The following DEK variants were observed in gnomAD, a reference collection of about 807,000 sequenced individuals.
DEK encodes DEK proto-oncogene.
A neutral mutation model predicts 46.8 loss-of-function variants in DEK; 28 were observed. The observed-to-expected ratio is 0.60, with a 90% CI of 0.44 to 0.82. The LOEUF is 0.82. Among genes scored for constraint, DEK ranks in the 40% least tolerant of loss-of-function variants. The pLI is 0.00. For missense variants in DEK, 416 were observed against 430.6 expected, an observed-to-expected ratio of 0.97 and a Z score of 0.30; for synonymous variants, 160 against 144.5, an observed-to-expected ratio of 1.11 and a Z score of -0.77.
intron 2 of DEK, 109 bp from the exon 3 acceptor site, chr6:18,258,514 C>T (rs1162547410): frequency 5.6e-6 from 4 of 709,568 alleles, no homozygotes; most frequent in Non-Finnish European, 8.9e-6. Context: ...CTTTATTCTT[C>T]TTCTGAGCAT....
At chr6:18,243,098 G>C (rs961559718) in intron 7 of DEK, among the ~76,000 whole-genome samples, 10 of 152,192 alleles carry the variant, frequency 6.6e-5, no homozygotes, top group African/African-American at 2.2e-4. Context: ...GTTCAGGTAA[G>C]AGGTGACTAC....
chr6:18,263,932 G>C lies in DEK; in HGVS notation c.56C>G (p.Ser19Cys). The C allele has an allele frequency of 6.2e-7, 1 of 1,613,378 alleles. No individual in the cohort carries two copies. The highest frequency in any genetic ancestry group is 1.3e-5 in the African/African-American group (1 of 74,984). The change falls in exon 2 of 11, where the codon TCC becomes TGC. Residue 19 changes from serine (S) to cysteine (C), a missense_variant. Physicochemically the swap from Ser to Cys is moderately radical, Grantham distance 112. Coordinates refer to ENST00000652689, the MANE Select transcript of DEK (RefSeq NM_003472.4). The part of the protein sequence containing the change: ...EGEGTPTQPA[S>C]EKEPEMPGPR... ...ACCGGGCATTTCGGGTTCTTTCTCG[G>C]ACGCGGGCTGGGTGGGGGTTCCCTC... is the stretch of plus-strand genomic sequence containing the variant.
intron 9 of DEK, among the ~76,000 whole-genome samples, chr6:18,228,380 T>A (rs946118955): frequency 6.6e-6 from 1 of 151,772 alleles, no homozygotes; most frequent in African/African-American, 2.4e-5. Flanking sequence ...TTACTCTAAT[T>A]GTTTGCCCCG....
In DEK at chr6:18,263,860, T is replaced by C; in HGVS notation, c.128A>G (p.Glu43Gly). The C allele has an allele frequency of 6.2e-7, 1 of 1,612,482 alleles. No homozygotes were observed. The highest frequency in any genetic ancestry group is 8.5e-7 in the Non-Finnish European group (1 of 1,179,244). The change falls in exon 2 of 11, where the codon GAG becomes GGG. Residue 43 changes from glutamate to glycine, a missense_variant. Physicochemically the swap from Glu to Gly is moderately conservative, Grantham distance 98. Transcript: ENST00000652689. ...EEEEDEDDEEEEEEEKEKSLI... is the reference protein window; with the variant it reads ...EEEEDEDDEEGEEEEKEKSLI... ...CCCCCCACCTTTTTCCTCCTCCTCC[T>C]CCTCCTCGTCGTCCTCGTCCTCTTC...
chr6:18,226,470 C>G (rs540791420), intron 9 of DEK, among the ~76,000 whole-genome samples: 5 of 152,290 alleles, frequency 3.3e-5, no homozygotes, highest in Admixed American at 3.3e-4. Context: ...GGCTGAGAGT[C>G]TGGAATGAAT....
intron 6 of DEK, among the ~76,000 whole-genome samples, chr6:18,252,639 C>CA (rs2151090796): frequency 6.8e-6 from 1 of 146,220 alleles, no homozygotes; most frequent in Non-Finnish European, 1.5e-5. Context: ...CAAGAAAAAA[C>CA]AGATTCTCAC....
intron 7 of DEK, among the ~76,000 whole-genome samples, chr6:18,244,106 T>C (rs1791007154): frequency 6.6e-6 from 1 of 152,206 alleles, no homozygotes. Context: ...AACATCTTGT[T>C]ATTTAACCTA....
intron 7 of DEK, chr6:18,244,460 G>A: frequency 1.0e-6 from 1 of 954,800 alleles, no homozygotes; most frequent in South Asian, 1.4e-5. Flanking sequence ...AATGACATAA[G>A]CACTTTTTGA....
intron 7 of DEK, among the ~76,000 whole-genome samples, chr6:18,238,447 C>G (rs1000420609): frequency 1.3e-5 from 2 of 151,740 alleles, no homozygotes; most frequent in South Asian, 2.1e-4. Context: ...GCCTGTAATT[C>G]CAGCACTTTG....
chr6:18,232,604 T>C (rs952078045), intron 9 of DEK, among the ~76,000 whole-genome samples: 1 of 152,116 alleles, frequency 6.6e-6, no homozygotes, highest in Non-Finnish European at 1.5e-5. Flanking sequence ...TGAATTCCCA[T>C]TCACAATTGC....
At chr6:18,234,083 A>C (rs1360488519) in intron 9 of DEK, among the ~76,000 whole-genome samples, 2 of 151,914 alleles carry the variant, frequency 1.3e-5, no homozygotes, top group East Asian at 3.9e-4. Flanking sequence ...AAACTATCGC[A>C]AGGACAGAAA....
intron 2 of DEK, among the ~76,000 whole-genome samples, chr6:18,260,515 T>C (rs561719946): frequency 1.3e-5 from 2 of 152,166 alleles, no homozygotes; most frequent in East Asian, 3.8e-4. Flanking sequence ...ATTAATACCA[T>C]CCACCCACCT....
intron 6 of DEK, among the ~76,000 whole-genome samples, chr6:18,253,636 T>C (rs1791485781): frequency 6.6e-6 from 1 of 152,242 alleles, no homozygotes. Context: ...AGTTTTGGTA[T>C]TGTATGGTAT....
intron 2 of DEK, among the ~76,000 whole-genome samples, chr6:18,259,056 C>A (rs1419660205): frequency 6.6e-6 from 1 of 151,818 alleles, no homozygotes; most frequent in South Asian, 2.1e-4. Context: ...TACGGTGAGG[C>A]GCGGTGGCTC....
chr6:18,242,351 G>A (rs1790927356), intron 7 of DEK, among the ~76,000 whole-genome samples: 1 of 152,186 alleles, frequency 6.6e-6, no homozygotes, highest in Non-Finnish European at 1.5e-5. Context: ...AACAAAGCAA[G>A]ACTCTGTCTC....
At position 18,258,026 on chromosome 6, in the gene DEK, T is replaced by C. The variant is rs1791676482; in HGVS notation, c.284A>G (p.His95Arg). ...GGTTTTCTTCTTACTTAGAAAAAAA[T>C]GTATCCTCTCAATTTCACAAAGTTT... ...GQKLCEIERI[H>R]FFLSKKKTDE... Residue 95 changes from histidine (H) to arginine (R), a missense_variant, in exon 4 of 11, where the codon CAT (histidine) becomes CGT (arginine). Physicochemically the swap from His to Arg is conservative, Grantham distance 29 (BLOSUM62 0). Coordinates refer to ENST00000652689, the MANE Select transcript of DEK (RefSeq NM_003472.4). 2 of 1,611,152 alleles carry C rather than the reference T, an allele frequency of 1.2e-6. No individual in the cohort carries two copies. Among genetic ancestry groups the C allele is most frequent in the African/African-American group, 1.3e-5 (1 of 74,756 alleles).
Position 18,249,697 on chromosome 6 carries a change from TTTTTC to T in DEK, c.711_715del (p.Lys238GlnfsTer7). ...TTCATCATCTGAAGACTCTTCCTTG[TTTTTC>T]TTTTCATCTTCATCACTACTAGATT... On this transcript the variant is annotated frameshift_variant, in exon 7 of 11. Transcript: ENST00000652689. LOFTEE classifies it high-confidence loss of function. The T allele has an allele frequency of 6.2e-7, 1 of 1,604,274 alleles. No individual in the cohort carries two copies. Among genetic ancestry groups the T allele is most frequent in the Non-Finnish European group, 8.5e-7 (1 of 1,177,522 alleles).
intron 1 of DEK, 134 bp from the exon 2 acceptor site, chr6:18,264,130 G>A: frequency 6.7e-6 from 5 of 743,028 alleles, no homozygotes; most frequent in Non-Finnish European, 1.0e-5. Flanking sequence ...AGCCGGGACC[G>A]CAGCGCTCAG....
intron 9 of DEK, among the ~76,000 whole-genome samples, chr6:18,227,693 T>C (rs1202565597): frequency 6.6e-6 from 1 of 152,114 alleles, no homozygotes; most frequent in African/African-American, 2.4e-5. Flanking sequence ...AACCCACCCC[T>C]TCAACAGAGC....
Sources: gnomAD v4.1 joint callset for allele counts (sites outside exome capture counted in the v4.1 genomes callset) on GRCh38, gnomAD v4.1.1 for gene constraint, MANE v1.5 for transcripts, NCBI Gene and HGNC (gene_info 2026-07-23, HGNC 2026-07-21) for gene names.